SLIT3: variants seen among roughly 807,000 people sequenced by gnomAD.
SLIT3 encodes the protein slit homolog 3 protein.
SLIT3 carries 68 observed loss-of-function variants against 184.0 expected under a neutral mutation model. The ratio of observed to expected loss-of-function variants is 0.37; its 90% CI spans 0.30 to 0.45. The LOEUF (loss-of-function observed/expected upper bound fraction) is 0.45, where lower values mean the gene tolerates loss of function less well. SLIT3 is among the 20% of genes least tolerant of loss of function. The pLI, the probability that SLIT3 is intolerant of heterozygous loss-of-function variation, is 1.00. For synonymous variants in SLIT3, 831 were observed against 828.6 expected (o/e 1.00, Z -0.05); for missense variants, 1,707 against 2,026.0 (o/e 0.84, Z 3.02).
rs1457291642 is a variant in SLIT3 at position 168,666,770 on chromosome 5, G to T, written c.4337-81C>A. The T allele has an allele frequency of 1.9e-6, 3 of 1,599,414 alleles. No homozygotes were observed. In the Admixed American group the frequency reaches 5.1e-5, roughly 27 times the overall value. ...GAGCAGTTCCCAGGTAGGCTGCTTT[G>T]AAATACTTGTGCTCTGAAGACTGTA... On this transcript the variant is annotated intron_variant, in intron 35 of 35. Transcript: ENST00000519560.
chr5:169,071,534 A>G (rs1758549307), intron 4 of SLIT3, among the ~76,000 whole-genome samples: 1 of 152,204 alleles, frequency 6.6e-6, no homozygotes, highest in Non-Finnish European at 1.5e-5. Flanking sequence ...ATGTATTATG[A>G]GAGCTTTTTC....
chr5:169,256,547 A>T (rs1391717665), intron 1 of SLIT3, among the ~76,000 whole-genome samples: 1 of 152,256 alleles, frequency 6.6e-6, no homozygotes, highest in African/African-American at 2.4e-5. Flanking sequence ...GTCGTTAAAC[A>T]CACATTACTG....
At position 168,669,826 on chromosome 5, in the gene SLIT3, G is replaced by A; in HGVS notation, c.4293C>T (p.Tyr1431=). Residue 1431 remains tyrosine (Y), a synonymous_variant, in exon 35 of 36, where the codon TAC becomes TAT. Coordinates refer to ENST00000519560, the MANE Select transcript of SLIT3 (RefSeq NM_003062.4). ...CGCTAAAGCCGGGCTGGCACAGGCA[G>A]TAGGGCTCCCCTTGGTCTGAGATGT... The part of the protein sequence containing the change: ...QCHISDQGEP[Y]CLCQPGFSGE... 1 of 1,614,126 alleles carries A rather than the reference G, an allele frequency of 6.2e-7. No homozygotes were observed. Among genetic ancestry groups the A allele is most frequent in the East Asian group, 2.2e-5 (1 of 44,884 alleles).
At chr5:168,945,967 T>G (rs919455880) in intron 4 of SLIT3, among the ~76,000 whole-genome samples, 1 of 152,274 alleles carries the variant, frequency 6.6e-6, no homozygotes. Flanking sequence ...TCTCGCGTAC[T>G]GTTTCTAAAT....
At chr5:168,826,151 G>A (rs889679833) in intron 6 of SLIT3, among the ~76,000 whole-genome samples, 4 of 152,216 alleles carry the variant, frequency 2.6e-5, no homozygotes, top group African/African-American at 4.8e-5. Flanking sequence ...GTCCAGCAGC[G>A]ATGACTTATT....
intron 9 of SLIT3, among the ~76,000 whole-genome samples, chr5:168,801,182 A>C (rs1188827907): frequency 6.6e-6 from 1 of 151,944 alleles, no homozygotes; most frequent in Non-Finnish European, 1.5e-5. Context: ...ATCCCACCCT[A>C]TCACCCCTCC....
At chr5:168,813,289 C>T (rs1304536251) in intron 8 of SLIT3, among the ~76,000 whole-genome samples, 4 of 146,586 alleles carry the variant, frequency 2.7e-5, no homozygotes, top group African/African-American at 1.0e-4. Flanking sequence ...TTTAAACCCC[C>T]AAATAAACCC....
chr5:168,759,939 C>T (rs948647468), intron 16 of SLIT3, among the ~76,000 whole-genome samples: 9 of 152,148 alleles, frequency 5.9e-5, no homozygotes, highest in Non-Finnish European at 1.2e-4. Context: ...GGTAAAGAGC[C>T]TCCTCTTCTG....
chr5:169,166,473 G>T (rs17070924), intron 4 of SLIT3, among the ~76,000 whole-genome samples: 1 of 151,924 alleles, frequency 6.6e-6, no homozygotes, highest in African/African-American at 2.4e-5. Flanking sequence ...CACACATCTC[G>T]GTCTGCATGC....
intron 4 of SLIT3, among the ~76,000 whole-genome samples, chr5:169,076,998 T>G (rs546745539): frequency 6.6e-6 from 1 of 152,100 alleles, no homozygotes; most frequent in South Asian, 2.1e-4. Context: ...GATAAACAGT[T>G]GACCCTTGAA....
intron 4 of SLIT3, among the ~76,000 whole-genome samples, chr5:168,894,366 T>TA (rs1237826844): frequency 6.6e-6 from 1 of 152,036 alleles, no homozygotes; most frequent in African/African-American, 2.4e-5. Context: ...TTTAAGTGGA[T>TA]AAAAAAAATA....
At chr5:169,248,398 G>A (rs893044611) in intron 2 of SLIT3, among the ~76,000 whole-genome samples, 7 of 152,060 alleles carry the variant, frequency 4.6e-5, no homozygotes, top group South Asian at 4.1e-4. Context: ...ACAAATCATC[G>A]ATATTTGATG....
chr5:169,229,365 T>C (rs963878771), intron 3 of SLIT3, among the ~76,000 whole-genome samples: 4 of 152,206 alleles, frequency 2.6e-5, no homozygotes, highest in Non-Finnish European at 1.5e-5. Context: ...AGGATAGTAA[T>C]ATAGAAATAA....
At chr5:168,878,503 T>C (rs745971317) in intron 5 of SLIT3, among the ~76,000 whole-genome samples, 8 of 152,166 alleles carry the variant, frequency 5.3e-5, no homozygotes, top group Admixed American at 2.6e-4. Context: ...GGTCACTTTA[T>C]TGTTCCTGTT....
chr5:168,983,400 C>A (rs1219631487), intron 4 of SLIT3, among the ~76,000 whole-genome samples: 1 of 152,224 alleles, frequency 6.6e-6, no homozygotes, highest in South Asian at 2.1e-4. Context: ...CTAAGCCCTG[C>A]AATCCGTTCC....
At chr5:168,975,163 C>T (rs552277296) in intron 4 of SLIT3, among the ~76,000 whole-genome samples, 1 of 151,966 alleles carries the variant, frequency 6.6e-6, no homozygotes, top group Admixed American at 6.6e-5. Context: ...ATGATGTCCC[C>T]AGCCAGTCCC....
chr5:169,016,259 G>A (rs1251522948), intron 4 of SLIT3, among the ~76,000 whole-genome samples: 4 of 152,196 alleles, frequency 2.6e-5, no homozygotes, highest in South Asian at 2.1e-4. Context: ...GTTAAGTCCC[G>A]GGGCTACAGA....
intron 23 of SLIT3, chr5:168,720,913 T>G (rs1762922775): frequency 6.6e-6 from 1 of 152,154 alleles, no homozygotes. Flanking sequence ...GTTTGTGGAT[T>G]GCTACTCGGC....
At chr5:169,000,023 C>T (rs1191972502) in intron 4 of SLIT3, among the ~76,000 whole-genome samples, 2 of 152,166 alleles carry the variant, frequency 1.3e-5, no homozygotes, top group Non-Finnish European at 2.9e-5. Context: ...TAATGCCTAT[C>T]ACTTGCTAAA....
Sources: allele counts gnomAD v4.1 joint callset (sites outside exome capture counted in the v4.1 genomes callset), GRCh38; gene constraint gnomAD v4.1.1; transcripts MANE v1.5; gene names NCBI Gene and HGNC (gene_info 2026-07-23, HGNC 2026-07-21).